NEB: variants seen among roughly 807,000 people sequenced by gnomAD.
NEB encodes nemaline myopathy type 2.
Under a neutral mutation model 952.2 loss-of-function variants are expected in NEB, and 512 were observed. The ratio of observed to expected loss-of-function variants is 0.54; its 90% CI spans 0.50 to 0.58. The LOEUF (loss-of-function observed/expected upper bound fraction) is 0.58. Among genes scored for constraint, NEB ranks in the 20% least tolerant of loss-of-function variants. The pLI is 0.00. For missense variants in NEB, 8,428 were observed against 9,231.1 expected, an observed-to-expected ratio of 0.91 and a Z score of 3.56; for synonymous variants, 2,900 against 3,149.8, an observed-to-expected ratio of 0.92 and a Z score of 2.66.
At chr2:151,712,945 G>A (rs1425649812) in intron 10 of NEB, among the ~76,000 whole-genome samples, 1 of 152,030 alleles carries the variant, frequency 6.6e-6, no homozygotes, top group Non-Finnish European at 1.5e-5. Flanking sequence ...ACTTGCAGTT[G>A]AACGATGGAA....
chr2:151,515,026 A>G (rs2076861986), intron 157 of NEB, 98 bp from the exon 158 acceptor site: 3 of 717,404 alleles, frequency 4.2e-6, no homozygotes, highest in Non-Finnish European at 4.7e-6. Context: ...TTTTCTATGT[A>G]TGGGCTCTTA....
At chr2:151,695,405 T>A (rs1231749832) in intron 18 of NEB, among the ~76,000 whole-genome samples, 173 bp downstream of exon 18, 1 of 152,224 alleles carries the variant, frequency 6.6e-6, no homozygotes, top group East Asian at 1.9e-4. Flanking sequence ...TTGCTACACA[T>A]ATTTTGTAAG....
In NEB at chr2:151,627,181, A is replaced by C; in HGVS notation, c.10168T>G (p.Trp3390Gly). Reference sequence around the variant, plus strand: ...GGGACCCAGCCAATGCCTCTCAGCCACTGGAGATCAGATTTGTAAATGTTC... The same window carrying C: ...GGGACCCAGCCAATGCCTCTCAGCCCCTGGAGATCAGATTTGTAAATGTTC... ...SDNIYKSDLQ[W>G]LRGIGWVPIG... Residue 3390 changes from tryptophan (W) to glycine (G), a missense_variant, in exon 70 of 182, where the codon TGG becomes GGG. Around this residue, in one of 11 missense-constraint regions of NEB, gnomAD observed 1,772 missense variants for 1,960.3 expected, o/e 0.90. Coordinates refer to ENST00000397345, the MANE Select transcript of NEB (RefSeq NM_001164508.2). 6.2e-7 allele frequency: 1 copy of C among 1,613,934 alleles called. No homozygotes were observed. Among genetic ancestry groups the C allele is most frequent in the South Asian group, 1.1e-5 (1 of 91,080 alleles).
chr2:151,666,716 T>C (rs1330713517), intron 40 of NEB, among the ~76,000 whole-genome samples: 1 of 152,062 alleles, frequency 6.6e-6, no homozygotes, highest in Non-Finnish European at 1.5e-5. Flanking sequence ...TTTTTGTTTT[T>C]TGGTTTTTTT....
At position 151,518,975 on chromosome 2, in the gene NEB, A is replaced by G. The variant is rs757205373; in HGVS notation, c.22685T>C (p.Leu7562Pro). ...AATGACTGAGCTTACAGAACTGGCA[A>G]GTTGGCTTGTATTCAGGACATGATT... ...IMNHVLNTSQLASSYQYKKKY... is the reference protein window; with the variant it reads ...IMNHVLNTSQPASSYQYKKKY... The change falls in exon 155 of 182, where the codon CTT becomes CCT. Residue 7562 changes from leucine (L) to proline (P), a missense_variant. This residue lies in a region of NEB where 3,374 missense variants were observed against 3,651.5 expected (regional missense o/e 0.92). Transcript: ENST00000397345. 2 of 1,611,410 alleles carry G rather than the reference A, an allele frequency of 1.2e-6. No individual in the cohort carries two copies. Among genetic ancestry groups the G allele is most frequent in the Non-Finnish European group, 1.7e-6 (2 of 1,177,614 alleles).
chr2:151,608,905 C>CAAAA (rs1163520121), intron 81 of NEB, among the ~76,000 whole-genome samples: 20 of 34,430 alleles, frequency 5.8e-4, no homozygotes, highest in African/African-American at 2.1e-3. Flanking sequence ...CTCCGTCTCA[C>CAAAA]AAAAAAAAAA....
chr2:151,719,106 C>T (rs1237620255), intron 9 of NEB, among the ~76,000 whole-genome samples: 3 of 152,150 alleles, frequency 2.0e-5, no homozygotes, highest in Admixed American at 6.5e-5. Context: ...CCATTACCTC[C>T]TTTAGAGGGG....
intron 38 of NEB, among the ~76,000 whole-genome samples, chr2:151,669,656 G>A (rs761403302): frequency 2.9e-4 from 44 of 152,154 alleles, no homozygotes; most frequent in Admixed American, 4.6e-4. Flanking sequence ...CTGGGTAGAC[G>A]TGGGGGTGGA....
Position 151,540,739 on chromosome 2 carries a change from T to A in NEB, c.20745A>T (p.Thr6915=), listed in dbSNP as rs931241996. ...RPHHHAGNQT[T]ALKHAKDVKD... is the part of the protein sequence containing the mutation. ...TCACGTCTTTAGCATGCTTCAAGGC[T>A]GTGGTCTGGTTTCCAGCGTGATGAT... The change falls in exon 137 of 182, where the codon ACA becomes ACT. Residue 6915 remains threonine, a synonymous_variant. Transcript: ENST00000397345. The A allele has an allele frequency of 6.2e-7, 1 of 1,613,600 alleles. No homozygotes were observed.
intron 80 of NEB, 104 bp downstream of exon 80, chr2:151,610,412 G>T: frequency 1.2e-6 from 1 of 852,688 alleles, no homozygotes. Context: ...AAGTAGGACT[G>T]GAAGGTACAT....
rs12328572 is a variant in NEB at position 151,568,866 on chromosome 2, C to T, written c.17536-150G>A. On this transcript the variant is annotated intron_variant, in intron 110 of 181. Transcript: ENST00000397345. ...CTTGGGAATTTGGCTTTCTTTTTAGCATTTTATTTTTTAAACAAATGCATC... is the reference window on the plus strand; with the variant it reads ...CTTGGGAATTTGGCTTTCTTTTTAGTATTTTATTTTTTAAACAAATGCATC... 2,141 of 649,732 alleles carry T rather than the reference C, an allele frequency of 3.3e-3. 42 individuals are homozygous for T. In the African/African-American group the frequency reaches 0.035, roughly 11 times the overall value. The allele number at this position is 649,732 out of a possible 1,614,324, so 40.2% of individuals were successfully genotyped here.
In NEB at chr2:151,494,078, A is replaced by G. The variant is rs2058532241; in HGVS notation, c.24579+83T>C. 2.8e-5 allele frequency: 34 copies of G among 1,209,448 alleles called. No homozygotes were observed. In the South Asian group the frequency reaches 3.9e-4, roughly 14 times the overall value. 74.9% of individuals were successfully genotyped at this position (1,209,448 alleles called of 1,614,324 possible). On this transcript the variant is annotated intron_variant, in intron 174 of 181. Transcript: ENST00000397345. ...TGTAACTGGCATTTTGTTTGTTTTT[A>G]ACCTGGGACAGGGTTAGGAGCAGGC...
intron 10 of NEB, among the ~76,000 whole-genome samples, chr2:151,712,949 G>A (rs570962421): frequency 1.3e-5 from 2 of 152,038 alleles, no homozygotes; most frequent in Non-Finnish European, 2.9e-5. Context: ...GCAGTTGAAC[G>A]ATGGAAACTT....
chr2:151,558,850 G>A (rs2095839380), intron 124 of NEB, among the ~76,000 whole-genome samples: 1 of 152,102 alleles, frequency 6.6e-6, no homozygotes, highest in Non-Finnish European at 1.5e-5. Context: ...AAAAACCCCA[G>A]AAGAAAACCT....
At chr2:151,507,637 A>C (rs921786014) in intron 162 of NEB, 7 of 218,926 alleles carry the variant, frequency 3.2e-5, no homozygotes, top group Non-Finnish European at 5.5e-5. Context: ...CCATAAAAAT[A>C]CACATATTTC....
At chr2:151,631,380 C>G (rs1173175331) in intron 65 of NEB, 34 bp from the exon 66 acceptor site, 8 of 1,581,532 alleles carry the variant, frequency 5.1e-6, no homozygotes, top group Non-Finnish European at 6.9e-6. Context: ...AACTCTTCAT[C>G]AAGACCACAA....
intron 71 of NEB, among the ~76,000 whole-genome samples, chr2:151,623,368 G>A (rs1445336518): frequency 6.6e-6 from 1 of 152,034 alleles, no homozygotes; most frequent in Non-Finnish European, 1.5e-5. Flanking sequence ...ACTTTATACT[G>A]TTCAGTGTAC....
chr2:151,607,071 A>C (rs1487839058), intron 83 of NEB, among the ~76,000 whole-genome samples: 1 of 100,760 alleles, frequency 9.9e-6, no homozygotes, highest in African/African-American at 2.6e-5. Context: ...TTCTCCCCCT[A>C]ATTTTGTCCT....
In NEB at chr2:151,489,757, G is replaced by GTT. The variant is rs372813378; in HGVS notation, c.25404+212_25404+213dup. ...AACTGATGCTTTGCTCTAGGTTTGG[G>GTT]TTTTTTTTTTAAGTTATTGAATAAT... On this transcript the variant is annotated intron_variant, in intron 181 of 181. Transcript: ENST00000397345. Among the ~76,000 whole-genome samples, 9 of 148,090 alleles carry GTT rather than the reference G, an allele frequency of 6.1e-5. No homozygotes were observed. In the East Asian group the frequency reaches 1.8e-3, roughly 29 times the overall value.
Sources: allele counts gnomAD v4.1 joint callset (sites outside exome capture counted in the v4.1 genomes callset), GRCh38; gene constraint gnomAD v4.1.1; regional missense constraint gnomAD v4.1.1; transcripts MANE v1.5; gene names NCBI Gene and HGNC (gene_info 2026-07-23, HGNC 2026-07-21).